The following PLPP1 variants were observed in gnomAD, a reference collection of about 807,000 sequenced individuals.
The protein encoded by PLPP1 is lipid phosphate phosphohydrolase 1a.
In PLPP1, 24 loss-of-function variants were observed where a neutral mutation model predicts 31.2. The observed-to-expected ratio is 0.77, with a 90% CI of 0.56 to 1.08. The LOEUF (loss-of-function observed/expected upper bound fraction) is 1.08, where lower values mean the gene tolerates loss of function less well. Ranked by LOEUF, PLPP1 falls within the 50% of genes least tolerant of loss-of-function variation. PLPP1 has a pLI of 0.00. For synonymous variants in PLPP1, 146 were observed against 126.3 expected (o/e 1.16, Z -1.05); for missense variants, 319 against 342.7 (o/e 0.93, Z 0.55).
intron 1 of PLPP1, among the ~76,000 whole-genome samples, chr5:55,508,348 A>G (rs1215424525): frequency 3.3e-5 from 5 of 152,204 alleles, no homozygotes; most frequent in Non-Finnish European, 7.3e-5. Flanking sequence ...GGGCACCTCT[A>G]TGTGTCTGGC....
intron 1 of PLPP1, among the ~76,000 whole-genome samples, chr5:55,479,346 TCATTACCCAGTGCCATTTCATTTTCACTA>T (rs1312232060): frequency 2.0e-5 from 3 of 152,330 alleles, no homozygotes; most frequent in African/African-American, 7.2e-5. Context: ...TGAATCAATG[TCATTACCCAGTGCCATTTCATTTTCACTA>T]ACTATCTAAA....
chr5:55,474,148 C>T (rs946691829), intron 2 of PLPP1, among the ~76,000 whole-genome samples: 3 of 151,914 alleles, frequency 2.0e-5, no homozygotes, highest in African/African-American at 7.3e-5. Flanking sequence ...AGGTGTGTGC[C>T]ACCACACCCA....
chr5:55,524,915 C>A (rs1402314120), intron 1 of PLPP1, among the ~76,000 whole-genome samples: 2 of 152,142 alleles, frequency 1.3e-5, no homozygotes, highest in Non-Finnish European at 2.9e-5. Flanking sequence ...TAGCTAACTC[C>A]ACTTTCTGGA....
rs547356515 is a variant in PLPP1, at chr5:55,460,862, T to C, written c.491+7007A>G. Among the ~76,000 whole-genome samples the C allele has an allele frequency of 3.9e-5, 6 of 152,014 alleles. No homozygotes were observed. In the East Asian group the frequency reaches 1.2e-3, roughly 29 times the overall value. ...CTCCATCTCTAATTAATTAAATAAA[T>C]GAATGAATGAATATAAATATTTTTT... On this transcript the variant is annotated intron_variant, in intron 3 of 5. Transcript: ENST00000307259.
Position 55,487,641 on chromosome 5 carries a change from T to A in PLPP1, c.59-12191A>T, listed in dbSNP as rs543226946. ...AATTCTGATCAAATTATAAGGCACA[T>A]TATATGAAAGTTATGTTAAGCATAA... On this transcript the variant is annotated intron_variant, in intron 1 of 5. Coordinates refer to ENST00000307259, the MANE Select transcript of PLPP1 (RefSeq NM_003711.4). 7.2e-5 allele frequency among the ~76,000 whole-genome samples: 11 copies of A among 152,260 alleles called. No individual in the cohort carries two copies. In the East Asian group the frequency reaches 1.5e-3, roughly 21 times the overall value.
intron 4 of PLPP1, among the ~76,000 whole-genome samples, chr5:55,438,074 A>G (rs1225877892): frequency 6.6e-6 from 1 of 152,186 alleles, no homozygotes; most frequent in Non-Finnish European, 1.5e-5. Flanking sequence ...TAGATACAGG[A>G]ATTTCATAAC....
chr5:55,456,609 T>A (rs537068158), intron 3 of PLPP1, among the ~76,000 whole-genome samples: 1 of 152,176 alleles, frequency 6.6e-6, no homozygotes, highest in Non-Finnish European at 1.5e-5. Flanking sequence ...TTTCTGACTT[T>A]CAAAATTCAA....
At chr5:55,458,035 AT>A (rs1206719491) in intron 3 of PLPP1, among the ~76,000 whole-genome samples, 1 of 152,200 alleles carries the variant, frequency 6.6e-6, no homozygotes, top group Non-Finnish European at 1.5e-5. Flanking sequence ...TCCAAGAGAG[AT>A]ATTAGAGACA....
intron 2 of PLPP1, among the ~76,000 whole-genome samples, chr5:55,469,157 A>T (rs1752366345): frequency 1.3e-5 from 2 of 152,192 alleles, no homozygotes; most frequent in East Asian, 1.9e-4. Context: ...ATTTGCTATT[A>T]AAAAAGACAG....
chr5:55,488,676 A>T (rs1752824486), intron 1 of PLPP1, among the ~76,000 whole-genome samples: 1 of 152,130 alleles, frequency 6.6e-6, no homozygotes, highest in African/African-American at 2.4e-5. Context: ...CAAACAAACA[A>T]CAACAACAAC....
intron 3 of PLPP1, among the ~76,000 whole-genome samples, chr5:55,455,383 G>C (rs530807094): frequency 6.6e-6 from 1 of 152,050 alleles, no homozygotes; most frequent in Admixed American, 6.5e-5. Flanking sequence ...CTTGAGCCCA[G>C]GTGTTTAAGA....
chr5:55,522,818 A>G (rs916828485), intron 1 of PLPP1, among the ~76,000 whole-genome samples: 1 of 152,096 alleles, frequency 6.6e-6, no homozygotes, highest in Non-Finnish European at 1.5e-5. Context: ...TCCTGGGTTC[A>G]CGCCATTCTC....
In PLPP1 at chr5:55,530,468, T is replaced by C. The variant is rs1740624445; in HGVS notation, c.58+4104A>G. The stretch of plus-strand genomic sequence containing the variant: ...AACTTGTATTCTCTTGGTAAGTTTC[T>C]GTGTTATCAGATGTGGATGTTTCAC... On this transcript the variant is annotated intron_variant, in intron 1 of 5. Transcript: ENST00000307259. 4.9e-6 allele frequency: 6 copies of C among 1,236,218 alleles called. No homozygotes were observed. In the Admixed American group the frequency reaches 5.0e-5, roughly 10 times the overall value. 76.6% of individuals were successfully genotyped at this position (1,236,218 alleles called of 1,614,324 possible).
At chr5:55,476,091 G>A (rs545593815) in intron 1 of PLPP1, among the ~76,000 whole-genome samples, 37 of 149,988 alleles carry the variant, frequency 2.5e-4, no homozygotes, top group African/African-American at 8.8e-4. Flanking sequence ...CTATCCTCCC[G>A]CTTCAGCTTC....
intron 1 of PLPP1, among the ~76,000 whole-genome samples, chr5:55,508,001 G>A (rs1753320609): frequency 6.6e-6 from 1 of 152,082 alleles, no homozygotes; most frequent in Non-Finnish European, 1.5e-5. Context: ...GAGATTTCAG[G>A]CATGTGCCAC....
At chr5:55,530,839 C>A in intron 1 of PLPP1, 1 of 1,241,798 alleles carries the variant, frequency 8.1e-7, no homozygotes, top group Non-Finnish European at 1.2e-6. Context: ...ACAGACGGGG[C>A]AGTAGGATGT....
In PLPP1 at chr5:55,426,005, G is replaced by C. The variant is rs763560328; in HGVS notation, c.584C>G (p.Ala195Gly). Residue 195 changes from alanine to glycine, a missense_variant, in exon 5 of 6, where the codon GCA (alanine) becomes GGA (glycine). Physicochemically the swap from Ala to Gly is moderately conservative, Grantham distance 60. Transcript: ENST00000307259. Reference sequence around the variant, plus strand: ...TTGCAGTGTGGGGCGTAAGAGTCTTGCCCAGTCTCCCTTCATCCTGGCTTG... The same window carrying C: ...TTGCAGTGTGGGGCGTAAGAGTCTTCCCCAGTCTCCCTTCATCCTGGCTTG... ...YLQARMKGDW[A>G]RLLRPTLQFG... The C allele has an allele frequency of 6.2e-7, 1 of 1,610,448 alleles. No individual in the cohort carries two copies. Among genetic ancestry groups the C allele is most frequent in the East Asian group, 2.2e-5 (1 of 44,826 alleles).
At chr5:55,434,184 A>C (rs1751438984) in intron 4 of PLPP1, among the ~76,000 whole-genome samples, 1 of 151,944 alleles carries the variant, frequency 6.6e-6, no homozygotes, top group Non-Finnish European at 1.5e-5. Flanking sequence ...CAAAAAAAGA[A>C]GAAGAAGAAA....
chr5:55,465,898 A>T (rs529547358), intron 3 of PLPP1, among the ~76,000 whole-genome samples: 3 of 152,110 alleles, frequency 2.0e-5, no homozygotes, highest in Non-Finnish European at 2.9e-5. Context: ...CCTCCTAGCC[A>T]TCCAATTAAA....
Sources: allele counts gnomAD v4.1 joint callset (sites outside exome capture counted in the v4.1 genomes callset), GRCh38; gene constraint gnomAD v4.1.1; transcripts MANE v1.5; gene names NCBI Gene and HGNC (gene_info 2026-07-23, HGNC 2026-07-21).